The following CCBE1 variants were observed in gnomAD, a reference collection of about 807,000 sequenced individuals.
The protein encoded by CCBE1 is collagen and calcium binding EGF domains 1.
Under a neutral mutation model 50.0 loss-of-function variants are expected in CCBE1, and 37 were observed. The observed-to-expected ratio is 0.74, with a 90% CI of 0.57 to 0.97. The LOEUF is 0.97. Ranked by LOEUF, CCBE1 falls within the 50% of genes least tolerant of loss-of-function variation. The probability of loss-of-function intolerance (pLI) is 0.00; values close to 1 mark genes in which losing one functional copy is unlikely to be tolerated. For missense variants in CCBE1, 538 were observed against 523.8 expected, an observed-to-expected ratio of 1.03 and a Z score of -0.26; for synonymous variants, 234 against 203.7, an observed-to-expected ratio of 1.15 and a Z score of -1.27.
Position 59,469,583 on chromosome 18 carries a change from G to T in CCBE1, c.290C>A (p.Pro97His), listed in dbSNP as rs1568157022. ...PEDYDVCAEA[P>H]CEQQCTDNFG... ...GTTGTCCGTGCACTGCTGTTCACAGGGAGCCTCGGCACAAACGTCGTAATC... is the reference window on the plus strand; with the variant it reads ...GTTGTCCGTGCACTGCTGTTCACAGTGAGCCTCGGCACAAACGTCGTAATC... Residue 97 changes from proline (P) to histidine (H), a missense_variant, in exon 4 of 11, where the codon CCC becomes CAC. Physicochemically the swap from Pro to His is moderately conservative, Grantham distance 77 (BLOSUM62 -2). Transcript: ENST00000439986. 1 of 1,614,162 alleles carries T rather than the reference G, an allele frequency of 6.2e-7. No homozygotes were observed. The highest frequency in any genetic ancestry group is 2.2e-5 in the East Asian group (1 of 44,890).
chr18:59,550,318 TA>T (rs1435379453), intron 2 of CCBE1, among the ~76,000 whole-genome samples: 1 of 152,214 alleles, frequency 6.6e-6, no homozygotes, highest in Non-Finnish European at 1.5e-5. Context: ...CCACATTGCC[TA>T]TGGCTGATTT....
intron 2 of CCBE1, among the ~76,000 whole-genome samples, chr18:59,483,387 G>T (rs596219): frequency 0.27 from 40,345 of 152,044 alleles, 5,469 homozygotes; most frequent in Non-Finnish European, 0.29. Flanking sequence ...CATATTTGCA[G>T]AATACCAGCT....
chr18:59,601,679 A>G (rs1188284457), intron 2 of CCBE1, among the ~76,000 whole-genome samples: 1 of 152,198 alleles, frequency 6.6e-6, no homozygotes, highest in Non-Finnish European at 1.5e-5. Context: ...ATTAGACATG[A>G]GCCACTATGC....
chr18:59,522,451 T>A (rs1159620706), intron 2 of CCBE1, among the ~76,000 whole-genome samples: 2 of 152,344 alleles, frequency 1.3e-5, no homozygotes, highest in Non-Finnish European at 2.9e-5. Context: ...TAGACACATT[T>A]AAGAAAAGTT....
intron 2 of CCBE1, among the ~76,000 whole-genome samples, chr18:59,486,206 C>G (rs1912819427): frequency 6.6e-6 from 1 of 152,174 alleles, no homozygotes; most frequent in Non-Finnish European, 1.5e-5. Flanking sequence ...AGAAAGGTGC[C>G]TAGCACAGGG....
chr18:59,527,774 T>C (rs1914886144), intron 2 of CCBE1, among the ~76,000 whole-genome samples: 1 of 152,212 alleles, frequency 6.6e-6, no homozygotes, highest in African/African-American at 2.4e-5. Context: ...AAATCTGGGT[T>C]GGAAATTCTT....
At chr18:59,585,730 C>A (rs1311312180) in intron 2 of CCBE1, among the ~76,000 whole-genome samples, 1 of 152,238 alleles carries the variant, frequency 6.6e-6, no homozygotes, top group African/African-American at 2.4e-5. Flanking sequence ...GTATTGCATT[C>A]TTCATTGTGT....
chr18:59,671,068 G>A (rs940814363), intron 2 of CCBE1, among the ~76,000 whole-genome samples: 6 of 152,170 alleles, frequency 3.9e-5, no homozygotes, highest in African/African-American at 9.7e-5. Flanking sequence ...AGCAAAGCTC[G>A]GCAAAGGACA....
intron 5 of CCBE1, among the ~76,000 whole-genome samples, chr18:59,458,223 A>G (rs149828538): frequency 2.9e-5 from 4 of 139,044 alleles, no homozygotes; most frequent in Non-Finnish European, 4.8e-5. Context: ...CCACTTATCA[A>G]TAAGTCTGTC....
intron 7 of CCBE1, among the ~76,000 whole-genome samples, chr18:59,447,736 G>A (rs142800123): frequency 6.6e-6 from 1 of 152,180 alleles, no homozygotes; most frequent in East Asian, 1.9e-4. Context: ...TGATCTTTAG[G>A]AATCTTATCC....
chr18:59,640,167 C>G (rs1225503248), intron 2 of CCBE1, among the ~76,000 whole-genome samples: 4 of 152,186 alleles, frequency 2.6e-5, no homozygotes, highest in Non-Finnish European at 4.4e-5. Flanking sequence ...AAGAACGAGT[C>G]TGAATAGCCA....
intron 1 of CCBE1, among the ~76,000 whole-genome samples, 192 bp downstream of exon 1, chr18:59,697,020 A>G (rs1238963846): frequency 3.9e-5 from 6 of 152,216 alleles, no homozygotes; most frequent in Non-Finnish European, 1.5e-5. Context: ...CACGGATGGC[A>G]GGGCGCAAAG....
intron 5 of CCBE1, among the ~76,000 whole-genome samples, chr18:59,457,200 C>T (rs985267789): frequency 1.3e-5 from 2 of 152,184 alleles, no homozygotes; most frequent in South Asian, 2.1e-4. Flanking sequence ...GGCGAATTCC[C>T]GTAGCTTCCT....
Position 59,435,755 on chromosome 18 carries a change from G to C in CCBE1, c.*153C>G. On this transcript the variant is annotated 3_prime_UTR_variant, in exon 11 of 11. Transcript: ENST00000439986. ...AGGAGGGGACTCTGAAAATAGCATC[G>C]TATTTGGAAGAAGAGGAGTGGAGAG... 1 of 768,392 alleles carries C rather than the reference G, an allele frequency of 1.3e-6. No individual in the cohort carries two copies. 47.6% of individuals were successfully genotyped at this position (768,392 alleles called of 1,614,324 possible).
At chr18:59,545,164 C>T (rs1286331352) in intron 2 of CCBE1, among the ~76,000 whole-genome samples, 1 of 152,168 alleles carries the variant, frequency 6.6e-6, no homozygotes, top group Non-Finnish European at 1.5e-5. Flanking sequence ...ATCCACGGAC[C>T]TTCCTGGACT....
chr18:59,554,071 C>T (rs932406018), intron 2 of CCBE1, among the ~76,000 whole-genome samples: 1 of 152,192 alleles, frequency 6.6e-6, no homozygotes, highest in East Asian at 1.9e-4. Context: ...GGTGCGATCA[C>T]AACTCACTGC....
Position 59,697,239 on chromosome 18 carries a change from T to C in CCBE1, c.104A>G (p.Tyr35Cys), listed in dbSNP as rs1252991567. The part of the protein sequence containing the change: ...LLLALGHTWT[Y>C]REEPEDGDRE... The stretch of plus-strand genomic sequence containing the variant: ...GTCGCCGTCCTCCGGCTCCTCTCTG[T>C]AGGTCCACGTGTGTCCCAACGCCAG... Residue 35 changes from tyrosine (Y) to cysteine (C), a missense_variant, in exon 1 of 11, where the codon TAC becomes TGC. Physicochemically the swap from Tyr to Cys is radical, Grantham distance 194. Coordinates refer to ENST00000439986, the MANE Select transcript of CCBE1 (RefSeq NM_133459.4). 1.3e-6 allele frequency: 2 copies of C among 1,549,154 alleles called. No individual in the cohort carries two copies. Among genetic ancestry groups the C allele is most frequent in the Non-Finnish European group, 1.7e-6 (2 of 1,146,706 alleles).
intron 3 of CCBE1, among the ~76,000 whole-genome samples, chr18:59,478,748 T>C (rs1355371155): frequency 2.6e-5 from 4 of 152,212 alleles, no homozygotes; most frequent in Admixed American, 6.5e-5. Context: ...TTAATTTTCT[T>C]TCGAGTCTGC....
chr18:59,604,785 C>G (rs2053475556), intron 2 of CCBE1, among the ~76,000 whole-genome samples: 1 of 152,156 alleles, frequency 6.6e-6, no homozygotes, highest in Admixed American at 6.5e-5. Context: ...TGTACACTGT[C>G]TAGTTTTGTT....
Sources: gnomAD v4.1 joint callset for allele counts (sites outside exome capture counted in the v4.1 genomes callset) on GRCh38, gnomAD v4.1.1 for gene constraint, MANE v1.5 for transcripts, NCBI Gene and HGNC (gene_info 2026-07-23, HGNC 2026-07-21) for gene names.